The following LARP1B variants were observed in gnomAD, a reference collection of about 807,000 sequenced individuals.
The protein encoded by LARP1B is La ribonucleoprotein 1B.
A neutral mutation model predicts 114.2 loss-of-function variants in LARP1B; 76 were observed. That is an observed-to-expected ratio of 0.67 (90% CI 0.55 to 0.81). The LOEUF is 0.81. Ranked by LOEUF, LARP1B falls within the 30% of genes least tolerant of loss-of-function variation. LARP1B has a pLI of 0.00. For missense variants in LARP1B, 1,014 were observed against 1,075.8 expected (o/e 0.94, Z 0.80); for synonymous variants, 345 against 348.0 (o/e 0.99, Z 0.10).
intron 4 of LARP1B, among the ~76,000 whole-genome samples, chr4:128,080,557 ATTTATT>A (rs544492286): frequency 5.2e-4 from 79 of 152,300 alleles, no homozygotes; most frequent in African/African-American, 1.9e-3. Context: ...GCACACTAAT[ATTTATT>A]TTTAAATTGC....
At chr4:128,156,303 T>A (rs1735636812) in intron 11 of LARP1B, 1 of 725,108 alleles carries the variant, frequency 1.4e-6, no homozygotes, top group Non-Finnish European at 2.4e-6. Context: ...CATACCCAAC[T>A]CCAGCAGCTG....
chr4:128,195,910 A>G (rs535903894), intron 15 of LARP1B, among the ~76,000 whole-genome samples: 1 of 152,308 alleles, frequency 6.6e-6, no homozygotes, highest in African/African-American at 2.4e-5. Flanking sequence ...AAAACAAACA[A>G]ACAAATGGGA....
chr4:128,098,747 G>GTGTGTGTATATATATATATA lies in LARP1B; in HGVS notation c.813+418_813+419insGTGTGTATATATATATATAT. Among the ~76,000 whole-genome samples, 25 of 15,578 alleles carry GTGTGTGTATATATATATATA rather than the reference G, an allele frequency of 1.6e-3. 1 individual carries two copies. Among genetic ancestry groups the GTGTGTGTATATATATATATA allele is most frequent in the South Asian group, 9.9e-3 (2 of 202 alleles). 10.2% of individuals were successfully genotyped at this position (15,578 alleles called of 152,430 possible). Reference sequence around the variant, plus strand: ...AGCATGTGTTCCTGTATATGTATGTGTATATATATATATATATATATTTTT... The same window carrying GTGTGTGTATATATATATATA: ...AGCATGTGTTCCTGTATATGTATGTGTGTGTGTATATATATATATATATATATATATATATATATATTTTT... On this transcript the variant is annotated intron_variant, in intron 8 of 19. Coordinates refer to ENST00000326639, the MANE Select transcript of LARP1B (RefSeq NM_018078.4).
chr4:128,155,580 C>A (rs555616115), intron 11 of LARP1B: 2 of 867,772 alleles, frequency 2.3e-6, no homozygotes, highest in Non-Finnish European at 4.0e-6. Context: ...CCAGCAGTTG[C>A]CCCAGGCCTC....
chr4:128,216,515 G>C (rs1208348932), downstream of LARP1B, among the ~76,000 whole-genome samples: 1 of 148,158 alleles, frequency 6.7e-6, no homozygotes, highest in East Asian at 1.9e-4. Flanking sequence ...CAACTACTTG[G>C]AAACTGAACA....
intron 15 of LARP1B, among the ~76,000 whole-genome samples, chr4:128,197,920 CA>C (rs1295898357): frequency 4.4e-5 from 5 of 113,210 alleles, no homozygotes; most frequent in Non-Finnish European, 8.3e-5. Flanking sequence ...GAGTTTTGCT[CA>C]TCACCTAGGC....
At chr4:128,212,304 GCTGA>G (rs1293511975), downstream of LARP1B, among the ~76,000 whole-genome samples, 1 of 152,144 alleles carries the variant, frequency 6.6e-6, no homozygotes, top group Non-Finnish European at 1.5e-5. Flanking sequence ...GTAGCTAACT[GCTGA>G]CTGTTGAACT....
chr4:128,090,902 T>C (rs1459966889), intron 5 of LARP1B, 99 bp from the exon 6 acceptor site: 2 of 870,188 alleles, frequency 2.3e-6, no homozygotes, highest in East Asian at 5.4e-5. Context: ...GTTCATTAGT[T>C]ACAAAGTGGA....
At chr4:128,079,036 A>C (rs937979098) in intron 4 of LARP1B, among the ~76,000 whole-genome samples, 1 of 152,096 alleles carries the variant, frequency 6.6e-6, no homozygotes, top group Non-Finnish European at 1.5e-5. Flanking sequence ...GTTGTTGCCA[A>C]CTTCTTTAAC....
chr4:128,082,397 A>G, intron 5 of LARP1B, 92 bp downstream of exon 5: 1 of 1,177,782 alleles, frequency 8.5e-7, no homozygotes, highest in Non-Finnish European at 1.2e-6. Flanking sequence ...CCATTTGAGA[A>G]TAAGTTGAAG....
intron 9 of LARP1B, chr4:128,108,659 T>C: frequency 1.0e-6 from 1 of 984,884 alleles, no homozygotes; most frequent in Non-Finnish European, 1.2e-6. Context: ...CTAGTGGTTT[T>C]TAATTTATTT....
chr4:128,107,027 T>A (rs1204128311), intron 8 of LARP1B, 112 bp from the exon 9 acceptor site: 2 of 810,882 alleles, frequency 2.5e-6, no homozygotes, highest in African/African-American at 3.4e-5. Context: ...TTTTAGAATC[T>A]TAACTGCAAA....
intron 7 of LARP1B, chr4:128,092,675 C>G (rs1400606224): frequency 1.6e-6 from 1 of 642,346 alleles, no homozygotes. Context: ...ATTTCTTTAT[C>G]ATCATCAGCC....
intron 15 of LARP1B, among the ~76,000 whole-genome samples, chr4:128,188,226 C>T (rs1325601885): frequency 6.6e-6 from 1 of 152,046 alleles, no homozygotes; most frequent in African/African-American, 2.4e-5. Context: ...AGGCATGCAC[C>T]ACCATGTCTG....
chr4:128,193,547 G>C (rs548724411), intron 15 of LARP1B, among the ~76,000 whole-genome samples: 28 of 151,934 alleles, frequency 1.8e-4, no homozygotes, highest in Non-Finnish European at 1.6e-4. Flanking sequence ...TAGACCATTT[G>C]ATAATACCCA....
chr4:128,076,856 G>T (rs1201277614), intron 3 of LARP1B, among the ~76,000 whole-genome samples: 2 of 152,016 alleles, frequency 1.3e-5, no homozygotes, highest in Non-Finnish European at 1.5e-5. Flanking sequence ...CCCATAAGTA[G>T]CTGCGACTAT....
At position 128,203,957 on chromosome 4, in the gene LARP1B, T is replaced by A. The variant is rs987167618; in HGVS notation, c.2310-2471T>A. Among the ~76,000 whole-genome samples the A allele has an allele frequency of 3.9e-5, 6 of 152,338 alleles. No individual in the cohort carries two copies. The South Asian group carries it at 1.2e-3, about 32-fold the overall frequency. On this transcript the variant is annotated intron_variant, in intron 17 of 19. Transcript: ENST00000326639. ...GAGCTGTCTTGCAGTTAGTGGTAAA[T>A]GAGTAAATGACAACTGAGAAGGCTG...
chr4:128,103,813 C>T (rs1462563896), intron 8 of LARP1B, among the ~76,000 whole-genome samples: 6 of 152,014 alleles, frequency 3.9e-5, no homozygotes, highest in African/African-American at 1.4e-4. Flanking sequence ...CCGCCCGTCT[C>T]GGCCTCCCAA....
At chr4:128,209,308 C>G (rs551431230) in intron 19 of LARP1B, among the ~76,000 whole-genome samples, 133 of 152,266 alleles carry the variant, frequency 8.7e-4, no homozygotes, top group African/African-American at 3.0e-3. Flanking sequence ...CTACTCCCAG[C>G]TACTTGGGAG....
Sources: allele counts gnomAD v4.1 joint callset (sites outside exome capture counted in the v4.1 genomes callset), GRCh38; gene constraint gnomAD v4.1.1; transcripts MANE v1.5; gene names NCBI Gene and HGNC (gene_info 2026-07-23, HGNC 2026-07-21).